Variants in PRKG1 observed in about 807,000 individuals in gnomAD.
PRKG1 encodes cGMP-dependent protein kinase 1.
A neutral mutation model predicts 88.1 loss-of-function variants in PRKG1; 35 were observed. The ratio of observed to expected loss-of-function variants is 0.40; its 90% CI spans 0.30 to 0.53. PRKG1 has a LOEUF of 0.53. Ranked by LOEUF, PRKG1 falls within the 20% of genes least tolerant of loss-of-function variation. The probability of loss-of-function intolerance (pLI) is 0.59; values close to 1 mark genes in which losing one functional copy is unlikely to be tolerated. For missense variants in PRKG1, 540 were observed against 839.8 expected, an observed-to-expected ratio of 0.64 and a Z score of 4.41; for synonymous variants, 303 against 292.5, an observed-to-expected ratio of 1.04 and a Z score of -0.37.
intron 2 of PRKG1, among the ~76,000 whole-genome samples, chr10:51,417,983 G>A (rs963187747): frequency 4.6e-5 from 7 of 152,116 alleles, no homozygotes; most frequent in South Asian, 2.1e-4. Context: ...TAACCTCCCC[G>A]CTCCAAAAGA....
intron 2 of PRKG1, among the ~76,000 whole-genome samples, chr10:51,380,697 C>T (rs1837061883): frequency 6.6e-6 from 1 of 151,896 alleles, no homozygotes; most frequent in South Asian, 2.1e-4. Context: ...AGCTCATGCA[C>T]CTAAAAGGTC....
chr10:51,708,880 T>G (rs576021082), intron 3 of PRKG1, among the ~76,000 whole-genome samples: 1 of 152,242 alleles, frequency 6.6e-6, no homozygotes, highest in African/African-American at 2.4e-5. Context: ...TGAGGGAGCA[T>G]CTATCATCCT....
intron 2 of PRKG1, among the ~76,000 whole-genome samples, chr10:51,419,421 G>A (rs555765138): frequency 3.2e-4 from 48 of 152,066 alleles, no homozygotes; most frequent in Non-Finnish European, 5.6e-4. Flanking sequence ...AGAACATGAC[G>A]TTTTTTGGTC....
At chr10:51,805,555 A>G (rs1428042450) in intron 4 of PRKG1, among the ~76,000 whole-genome samples, 3 of 152,036 alleles carry the variant, frequency 2.0e-5, no homozygotes, top group Non-Finnish European at 4.4e-5. Context: ...ACTGCTAATT[A>G]AGGTTTCATT....
chr10:51,737,241 A>G (rs1374800400), intron 3 of PRKG1, among the ~76,000 whole-genome samples: 1 of 152,026 alleles, frequency 6.6e-6, no homozygotes, highest in East Asian at 1.9e-4. Flanking sequence ...TCCCCTGCCA[A>G]TTGTTTTTCC....
rs754749349 is a variant in PRKG1, at chr10:51,257,029, G to A, written c.478+103699G>A. Among the ~76,000 whole-genome samples the A allele has an allele frequency of 6.6e-5, 10 of 152,050 alleles. No individual in the cohort carries two copies. The East Asian group carries it at 7.7e-4, about 12-fold the overall frequency. On this transcript the variant is annotated intron_variant, in intron 2 of 17. Coordinates refer to ENST00000373980, the MANE Select transcript of PRKG1 (RefSeq NM_006258.4). ...AAAATTCACATGAAGAGAAGAAAGC[G>A]ATAAATTTTGAAGAATTGACAGGAC...
chr10:51,521,283 C>T (rs1841730120), intron 3 of PRKG1, among the ~76,000 whole-genome samples: 1 of 152,246 alleles, frequency 6.6e-6, no homozygotes, highest in South Asian at 2.1e-4. Flanking sequence ...GAGCGAGACT[C>T]TGTCTCAAAA....
intron 2 of PRKG1, among the ~76,000 whole-genome samples, chr10:51,173,771 A>G (rs1044637226): frequency 2.0e-5 from 3 of 151,806 alleles, no homozygotes; most frequent in African/African-American, 7.2e-5. Flanking sequence ...ATTTAAAAGG[A>G]GCTAAAAAAA....
At chr10:51,143,991 A>G (rs771416615) in intron 1 of PRKG1, among the ~76,000 whole-genome samples, 8 of 151,694 alleles carry the variant, frequency 5.3e-5, no homozygotes, top group Non-Finnish European at 8.8e-5. Context: ...ATATTTGTCT[A>G]TTTTTGTTTT....
chr10:52,162,063 G>A, intron 9 of PRKG1, 100 bp downstream of exon 9: 1 of 982,518 alleles, frequency 1.0e-6, no homozygotes, highest in Non-Finnish European at 1.5e-6. Flanking sequence ...ACTCTGACAG[G>A]AAACAACTAA....
intron 4 of PRKG1, among the ~76,000 whole-genome samples, chr10:51,878,942 A>G (rs1841369540): frequency 6.6e-6 from 1 of 152,294 alleles, no homozygotes; most frequent in Non-Finnish European, 1.5e-5. Flanking sequence ...TGGAACTGGC[A>G]TGTCTAATCC....
Position 51,690,926 on chromosome 10 carries a change from C to CAA in PRKG1, c.593-113635_593-113634dup, listed in dbSNP as rs942329676. ...CTGGCGACAGAGTGAGACTCTGTCTCAAAAAAAAAAAAAAAAAAAAAAAAA... is the reference window on the plus strand; with the variant it reads ...CTGGCGACAGAGTGAGACTCTGTCTCAAAAAAAAAAAAAAAAAAAAAAAAAAA... On this transcript the variant is annotated intron_variant, in intron 3 of 17. Transcript: ENST00000373980. Among the ~76,000 whole-genome samples the CAA allele has an allele frequency of 6.1e-3, 227 of 37,316 alleles. 2 individuals carry two copies. Among genetic ancestry groups the CAA allele is most frequent in the Middle Eastern group, 0.017 (1 of 58 alleles). The allele number at this position is 37,316 out of a possible 152,430, so 24.5% of individuals were successfully genotyped here. A position where few individuals can be genotyped will look rare whatever the true frequency, so the allele number is the denominator to read the frequency against.
At chr10:51,602,789 C>A (rs1490381808) in intron 3 of PRKG1, among the ~76,000 whole-genome samples, 1 of 120,264 alleles carries the variant, frequency 8.3e-6, no homozygotes, top group South Asian at 2.7e-4. Flanking sequence ...TGTATATATT[C>A]ATATATATAT....
intron 6 of PRKG1, among the ~76,000 whole-genome samples, chr10:52,058,329 A>G (rs1181288024): frequency 1.3e-5 from 2 of 152,122 alleles, no homozygotes; most frequent in Non-Finnish European, 2.9e-5. Flanking sequence ...AAAAAGCCAT[A>G]TCATTCAACA....
intron 4 of PRKG1, among the ~76,000 whole-genome samples, chr10:51,820,807 A>C (rs1188590988): frequency 6.6e-6 from 1 of 152,156 alleles, no homozygotes; most frequent in African/African-American, 2.4e-5. Flanking sequence ...TGATGGGGAG[A>C]AAATTAAGTT....
intron 5 of PRKG1, among the ~76,000 whole-genome samples, chr10:52,039,288 G>T (rs2133226662): frequency 6.6e-6 from 1 of 152,192 alleles, no homozygotes; most frequent in Non-Finnish European, 1.5e-5. Context: ...AAGGGGGGTT[G>T]TTCTCTGGCA....
intron 2 of PRKG1, among the ~76,000 whole-genome samples, chr10:51,444,114 A>G (rs920001631): frequency 6.6e-6 from 1 of 151,666 alleles, no homozygotes; most frequent in African/African-American, 2.4e-5. Context: ...GAAAAAAAAT[A>G]TGGCAATATT....
chr10:51,670,513 G>T (rs1840531109), intron 3 of PRKG1, among the ~76,000 whole-genome samples: 1 of 150,672 alleles, frequency 6.6e-6, no homozygotes, highest in Non-Finnish European at 1.5e-5. Flanking sequence ...GAGGCGGGCA[G>T]ATCACGAGGT....
At chr10:52,024,584 G>C (rs2133198298) in intron 5 of PRKG1, among the ~76,000 whole-genome samples, 1 of 152,120 alleles carries the variant, frequency 6.6e-6, no homozygotes, top group South Asian at 2.1e-4. Flanking sequence ...GCAGTGTTTG[G>C]TTTTCTGTCC....
Sources: allele counts gnomAD v4.1 joint callset (sites outside exome capture counted in the v4.1 genomes callset), GRCh38; gene constraint gnomAD v4.1.1; transcripts MANE v1.5; gene names NCBI Gene and HGNC (gene_info 2026-07-23, HGNC 2026-07-21).